The following AACS variants were observed in gnomAD, a reference collection of about 807,000 sequenced individuals.
AACS encodes acetoacetyl-CoA synthetase.
In AACS, 69 loss-of-function variants were observed where a neutral mutation model predicts 83.1. That is an observed-to-expected ratio of 0.83 (90% CI 0.68 to 1.01). The LOEUF is 1.01. Ranked by LOEUF, AACS falls within the 50% of genes least tolerant of loss-of-function variation. The pLI is 0.00. For missense variants in AACS, 866 were observed against 882.2 expected, an observed-to-expected ratio of 0.98 and a Z score of 0.23; for synonymous variants, 333 against 343.4, an observed-to-expected ratio of 0.97 and a Z score of 0.33.
At chr12:125,136,581 T>C in intron 16 of AACS, 81 bp from the exon 17 acceptor site, 1 of 1,234,640 alleles carries the variant, frequency 8.1e-7, no homozygotes, top group Middle Eastern at 2.8e-4. Flanking sequence ...CTGCCCCTCC[T>C]GCTCTGCCAG....
At chr12:125,066,256 C>G (rs1190622733) in intron 1 of AACS, among the ~76,000 whole-genome samples, 2 of 151,988 alleles carry the variant, frequency 1.3e-5, no homozygotes, top group African/African-American at 2.4e-5. Context: ...TCCCAGCCCC[C>G]AAACAGAACC....
chr12:125,119,381 T>C (rs929754144), intron 10 of AACS, among the ~76,000 whole-genome samples: 1 of 152,244 alleles, frequency 6.6e-6, no homozygotes, highest in Admixed American at 6.5e-5. Context: ...ACACAGGTTC[T>C]GCAGATTCAG....
chr12:125,110,176 C>T (rs1006124203), intron 8 of AACS, among the ~76,000 whole-genome samples: 4 of 148,618 alleles, frequency 2.7e-5, no homozygotes, highest in African/African-American at 5.0e-5. Flanking sequence ...CCCGCGACCA[C>T]GGCCGGCTAA....
chr12:125,074,214 T>A (rs2136037599), intron 2 of AACS, among the ~76,000 whole-genome samples: 1 of 152,182 alleles, frequency 6.6e-6, no homozygotes, highest in East Asian at 1.9e-4. Flanking sequence ...ACTTGAGTGA[T>A]CCTAAATAGT....
At chr12:125,137,382 A>G (rs35730880) in intron 17 of AACS, among the ~76,000 whole-genome samples, 1,642 of 152,304 alleles carry the variant, frequency 0.011, 15 homozygotes, top group South Asian at 0.019. Context: ...GGGTTTTGCC[A>G]TGTTGGCCAG....
intron 14 of AACS, among the ~76,000 whole-genome samples, chr12:125,133,723 C>A (rs1049980744): frequency 6.6e-6 from 1 of 152,242 alleles, no homozygotes; most frequent in Non-Finnish European, 1.5e-5. Context: ...GTGGCCTGGC[C>A]GAGCTTGGTC....
In AACS at chr12:125,107,112, G is replaced by A. The variant is rs201450673; in HGVS notation, c.768-9G>A. Reference sequence around the variant, plus strand: ...TTCATGGCGTGTTTCCCTGCGTTTCGGCCCACAGTGTGTTTCTGGATGACT... The same window carrying A: ...TTCATGGCGTGTTTCCCTGCGTTTCAGCCCACAGTGTGTTTCTGGATGACT... On this transcript the variant is annotated splice_polypyrimidine_tract_variant and intron_variant, in intron 7 of 17. Coordinates refer to ENST00000316519, the MANE Select transcript of AACS (RefSeq NM_023928.5). 9.9e-6 allele frequency: 16 copies of A among 1,614,014 alleles called. No homozygotes were observed. The highest frequency in any genetic ancestry group is 1.7e-4 in the Middle Eastern group (1 of 6,058).
At chr12:125,067,124 G>C (rs1375117301) in intron 1 of AACS, among the ~76,000 whole-genome samples, 1 of 152,074 alleles carries the variant, frequency 6.6e-6, no homozygotes, top group Non-Finnish European at 1.5e-5. Context: ...AATTGCAGAC[G>C]GCTGCCTGGC....
rs1053368336 is a variant in AACS, at chr12:125,113,925, G to A, written c.916-552G>A. On this transcript the variant is annotated intron_variant, in intron 8 of 17. Transcript: ENST00000316519. The surrounding 1 kb of genome is among the most constrained non-coding windows in gnomAD (Gnocchi z 4.8). ...TGGGAGGGAGCGGTTCTGCTTGGGT[G>A]TTTTAGCCAGAAGCAGGGTCTTGTG... is the stretch of plus-strand genomic sequence containing the variant. Among the ~76,000 whole-genome samples the A allele has an allele frequency of 5.2e-4, 79 of 152,058 alleles. 2 individuals are homozygous for A. The highest frequency in any genetic ancestry group is 5.0e-3 in the Admixed American group (77 of 15,254).
At chr12:125,120,755 G>A (rs959354570) in intron 10 of AACS, 2 of 152,260 alleles carry the variant, frequency 1.3e-5, no homozygotes, top group African/African-American at 4.8e-5. Flanking sequence ...GTGTGCATGG[G>A]TGTGAGTCTG....
rs940913328 is a variant in AACS, at chr12:125,143,192, A to G, written c.*963A>G. On this transcript the variant is annotated 3_prime_UTR_variant, in exon 18 of 18. Coordinates refer to ENST00000316519, the MANE Select transcript of AACS (RefSeq NM_023928.5). ...TATCTCTAATCTGATGTCCATTTTTATATTTTTTGAAACTGAGCACAATGA... is the reference window on the plus strand; with the variant it reads ...TATCTCTAATCTGATGTCCATTTTTGTATTTTTTGAAACTGAGCACAATGA... The G allele has an allele frequency of 1.3e-5, 2 of 152,214 alleles. No individual in the cohort carries two copies. Among genetic ancestry groups the G allele is most frequent in the Non-Finnish European group, 2.9e-5 (2 of 68,026 alleles). The allele number at this position is 152,214 out of a possible 1,614,324, so 9.4% of individuals were successfully genotyped here. A position where few individuals can be genotyped will look rare whatever the true frequency, so the allele number is the denominator to read the frequency against.
chr12:125,089,838 CCAT>C (rs1402190893), intron 4 of AACS, among the ~76,000 whole-genome samples: 1 of 140,698 alleles, frequency 7.1e-6, no homozygotes, highest in African/African-American at 2.7e-5. Context: ...TCATCCCTCA[CCAT>C]CATTTATCCA....
At chr12:125,137,943 G>C (rs1957423034) in intron 17 of AACS, among the ~76,000 whole-genome samples, 1 of 152,218 alleles carries the variant, frequency 6.6e-6, no homozygotes, top group Non-Finnish European at 1.5e-5. Context: ...TACCAGGAGA[G>C]TCTGCTTCCT....
chr12:125,104,177 G>T (rs1052604094), intron 7 of AACS, among the ~76,000 whole-genome samples: 8 of 152,042 alleles, frequency 5.3e-5, no homozygotes, highest in Non-Finnish European at 7.4e-5. Context: ...TACCCCCACG[G>T]GGTAAGCTTT....
At chr12:125,101,051 G>C (rs1956698719) in intron 5 of AACS, 1 of 152,252 alleles carries the variant, frequency 6.6e-6, no homozygotes, top group African/African-American at 2.4e-5. Context: ...TGTTGGTCTT[G>C]AACTGCTTGC....
At chr12:125,139,212 G>GT (rs1242461036) in intron 17 of AACS, 1 of 152,278 alleles carries the variant, frequency 6.6e-6, no homozygotes, top group Non-Finnish European at 1.5e-5. Flanking sequence ...CTTGTGTTGA[G>GT]TAAGACTCAT....
At chr12:125,101,396 C>T (rs182207831) in intron 5 of AACS, 1 of 152,336 alleles carries the variant, frequency 6.6e-6, no homozygotes, top group African/African-American at 2.4e-5. Flanking sequence ...TGTGGTGATC[C>T]TGCCTTTTAA....
chr12:125,127,277 G>A (rs1718321509), intron 12 of AACS: 1 of 152,252 alleles, frequency 6.6e-6, no homozygotes, highest in African/African-American at 2.4e-5. Context: ...GAGGTCAGGA[G>A]CCCTGCTCAA....
rs761475037 is a variant in AACS at position 125,103,123 on chromosome 12, C to G, written c.767+42C>G. ...TGACCCACAGGTCCGTGTGGACCCA[C>G]TGGAGCTCCTGCGGGGAAGTAGGCC... On this transcript the variant is annotated intron_variant, in intron 7 of 17. Transcript: ENST00000316519. 423 of 1,551,414 alleles carry G rather than the reference C, an allele frequency of 2.7e-4. 2 individuals carry two copies. The highest frequency in any genetic ancestry group is 3.5e-4 in the Non-Finnish European group (400 of 1,136,678).
Sources: gnomAD v4.1 joint callset for allele counts (sites outside exome capture counted in the v4.1 genomes callset) on GRCh38, gnomAD v4.1.1 for gene constraint, Gnocchi (gnomAD v3.1) non-coding constraint, MANE v1.5 for transcripts, NCBI Gene and HGNC (gene_info 2026-07-23, HGNC 2026-07-21) for gene names.